The following CTNNA3 variants were observed in gnomAD, a reference collection of about 807,000 sequenced individuals.
CTNNA3 encodes the protein catenin alpha 3.
Under a neutral mutation model 95.7 loss-of-function variants are expected in CTNNA3, and 76 were observed. The observed-to-expected ratio is 0.79, with a 90% CI of 0.66 to 0.96. The LOEUF (loss-of-function observed/expected upper bound fraction) is 0.96, where lower values mean the gene tolerates loss of function less well. Ranked by LOEUF, CTNNA3 falls within the 40% of genes least tolerant of loss-of-function variation. The pLI, the probability that CTNNA3 is intolerant of heterozygous loss-of-function variation, is 0.00. For synonymous variants in CTNNA3, 431 were observed against 374.4 expected, an observed-to-expected ratio of 1.15 and a Z score of -1.74; for missense variants, 1,191 against 1,089.8, an observed-to-expected ratio of 1.09 and a Z score of -1.31.
At position 65,913,074 on chromosome 10, in the gene CTNNA3, A is replaced by C. The variant is rs2076965212; in HGVS notation, c.*7256T>G. 1 of 152,122 alleles carries C rather than the reference A, an allele frequency of 6.6e-6. No homozygotes were observed. The highest frequency in any genetic ancestry group is 2.1e-4 in the South Asian group (1 of 4,828). 9.4% of individuals were successfully genotyped at this position (152,122 alleles called of 1,614,324 possible). On this transcript the variant is annotated 3_prime_UTR_variant, in exon 18 of 18. Transcript: ENST00000433211. ...TGCTGCAATAAACATGACTATTATG[A>C]ATTGGTTACTTTTATTTCATCTCAG...
intron 11 of CTNNA3, among the ~76,000 whole-genome samples, chr10:66,469,652 C>T (rs561024682): frequency 6.6e-6 from 1 of 151,888 alleles, no homozygotes; most frequent in Non-Finnish European, 1.5e-5. Flanking sequence ...GCACTACAGA[C>T]ACTGAAATAC....
intron 10 of CTNNA3, among the ~76,000 whole-genome samples, chr10:66,592,213 C>A (rs922100954): frequency 3.3e-5 from 5 of 151,944 alleles, no homozygotes; most frequent in African/African-American, 1.2e-4. Flanking sequence ...TTCAACAGAC[C>A]TATACAATAA....
At chr10:66,277,232 T>C (rs891509498) in intron 13 of CTNNA3, among the ~76,000 whole-genome samples, 1 of 152,110 alleles carries the variant, frequency 6.6e-6, no homozygotes, top group Admixed American at 6.6e-5. Context: ...TAAAACCCTA[T>C]AAAATGCCAA....
chr10:67,347,064 A>ATTTTT (rs553377037), intron 5 of CTNNA3, among the ~76,000 whole-genome samples: 1 of 144,286 alleles, frequency 6.9e-6, no homozygotes, highest in African/African-American at 2.5e-5. Flanking sequence ...TAATCCTAGA[A>ATTTTT]TTTTTTTTTT....
intron 15 of CTNNA3, among the ~76,000 whole-genome samples, chr10:66,052,857 G>C (rs940410592): frequency 2.6e-5 from 4 of 152,022 alleles, no homozygotes; most frequent in Admixed American, 2.0e-4. Flanking sequence ...AGTTTGGAGA[G>C]AATGACAAAA....
At position 66,101,895 on chromosome 10, in the gene CTNNA3, T is replaced by C. The variant is rs372826556; in HGVS notation, c.1977+1262A>G. Among the ~76,000 whole-genome samples the C allele has an allele frequency of 4.6e-5, 7 of 152,194 alleles. No homozygotes were observed. The East Asian group carries it at 1.3e-3, about 29-fold the overall frequency. Reference sequence around the variant, plus strand: ...ATTCTAGGTAAAATTTGGTAAGGACTAAAGTTGTTTTTTCTTCTTCAAATC... The same window carrying C: ...ATTCTAGGTAAAATTTGGTAAGGACCAAAGTTGTTTTTTCTTCTTCAAATC... On this transcript the variant is annotated intron_variant, in intron 14 of 17. Coordinates refer to ENST00000433211, the MANE Select transcript of CTNNA3 (RefSeq NM_013266.4).
At chr10:66,499,976 T>C (rs1395459065) in intron 11 of CTNNA3, among the ~76,000 whole-genome samples, 2 of 152,020 alleles carry the variant, frequency 1.3e-5, no homozygotes, top group Non-Finnish European at 2.9e-5. Context: ...CTCATTTTTG[T>C]ATTTTTAGTA....
chr10:67,396,798 G>T (rs1354863966), intron 5 of CTNNA3, among the ~76,000 whole-genome samples: 1 of 280 alleles, frequency 3.6e-3, no homozygotes, highest in African/African-American at 6.9e-3. Context: ...GAATCGTGGG[G>T]GCAGTTACCC....
intron 9 of CTNNA3, among the ~76,000 whole-genome samples, chr10:66,764,671 A>G (rs1434306629): frequency 6.6e-6 from 1 of 152,188 alleles, no homozygotes; most frequent in Non-Finnish European, 1.5e-5. Context: ...ACATTTTTAG[A>G]TAACACTTTT....
chr10:66,383,773 G>T (rs2132504620), intron 11 of CTNNA3, among the ~76,000 whole-genome samples: 1 of 152,322 alleles, frequency 6.6e-6, no homozygotes, highest in East Asian at 1.9e-4. Flanking sequence ...CAAGCCAGAA[G>T]AGAGTAGGGG....
chr10:66,016,841 G>C (rs2079105146), intron 15 of CTNNA3, among the ~76,000 whole-genome samples: 1 of 151,510 alleles, frequency 6.6e-6, no homozygotes, highest in Non-Finnish European at 1.5e-5. Context: ...TAGATTTCTG[G>C]GTGTCAAAAA....
At chr10:66,052,558 A>G (rs544813921) in intron 15 of CTNNA3, among the ~76,000 whole-genome samples, 1 of 152,158 alleles carries the variant, frequency 6.6e-6, no homozygotes, top group African/African-American at 2.4e-5. Context: ...AAGCAATTAC[A>G]TTTCAGAGTA....
At chr10:66,339,897 C>T (rs1461424189) in intron 12 of CTNNA3, among the ~76,000 whole-genome samples, 4 of 151,702 alleles carry the variant, frequency 2.6e-5, no homozygotes, top group South Asian at 2.1e-4. Context: ...GCTTCTAATA[C>T]CCATAATTTG....
At chr10:67,501,683 A>G (rs1839237490) in intron 5 of CTNNA3, among the ~76,000 whole-genome samples, 1 of 151,608 alleles carries the variant, frequency 6.6e-6, no homozygotes, top group Non-Finnish European at 1.5e-5. Flanking sequence ...TTTTTCTCTA[A>G]TCTTGTCTTC....
chr10:66,257,182 C>G (rs1014766474), intron 13 of CTNNA3, among the ~76,000 whole-genome samples: 1 of 152,236 alleles, frequency 6.6e-6, no homozygotes, highest in Non-Finnish European at 1.5e-5. Context: ...CATCCAGCCC[C>G]TATCTTTTCC....
intron 5 of CTNNA3, among the ~76,000 whole-genome samples, chr10:67,473,136 T>C (rs74142816): frequency 0.079 from 11,954 of 152,232 alleles, 1,064 homozygotes; most frequent in East Asian, 0.35. Context: ...GAACAATATA[T>C]GAAGTGAAGA....
intron 13 of CTNNA3, among the ~76,000 whole-genome samples, chr10:66,168,953 G>A (rs968559679): frequency 2.0e-5 from 3 of 152,142 alleles, no homozygotes; most frequent in Admixed American, 6.6e-5. Context: ...AGAAAGTACA[G>A]TCTAATTGCT....
At chr10:67,299,708 T>C (rs1386839403) in intron 5 of CTNNA3, among the ~76,000 whole-genome samples, 1 of 152,212 alleles carries the variant, frequency 6.6e-6, no homozygotes, top group Non-Finnish European at 1.5e-5. Flanking sequence ...TCCTCTATTA[T>C]TATAGAAATA....
At chr10:67,123,490 C>G (rs1420990864) in intron 7 of CTNNA3, among the ~76,000 whole-genome samples, 1 of 152,060 alleles carries the variant, frequency 6.6e-6, no homozygotes. Context: ...TTTATTTTGT[C>G]TTATAACAAA....
Sources: gnomAD v4.1 joint callset for allele counts (sites outside exome capture counted in the v4.1 genomes callset) on GRCh38, gnomAD v4.1.1 for gene constraint, MANE v1.5 for transcripts, NCBI Gene and HGNC (gene_info 2026-07-23, HGNC 2026-07-21) for gene names.